Variants in HNRNPC observed in about 807,000 individuals in gnomAD.
HNRNPC encodes heterogeneous nuclear ribonucleoproteins C1/C2.
HNRNPC carries 3 observed loss-of-function variants against 33.2 expected under a neutral mutation model. The ratio of observed to expected loss-of-function variants is 0.09; its 90% CI spans 0.04 to 0.23. The LOEUF (loss-of-function observed/expected upper bound fraction) is 0.23, where lower values mean the gene tolerates loss of function less well. HNRNPC is among the 10% of genes least tolerant of loss of function. HNRNPC has a pLI of 1.00. For missense variants in HNRNPC, 143 were observed against 366.7 expected, an observed-to-expected ratio of 0.39 and a Z score of 4.98; for synonymous variants, 121 against 126.7, an observed-to-expected ratio of 0.96 and a Z score of 0.30.
At chr14:21,245,145 C>T (rs1895827720) in intron 2 of HNRNPC, among the ~76,000 whole-genome samples, 1 of 143,002 alleles carries the variant, frequency 7.0e-6, no homozygotes, top group Admixed American at 7.0e-5. Flanking sequence ...AGTTCTAACA[C>T]AATATTATTT....
chr14:21,266,811 C>T (rs528556126), intron 1 of HNRNPC, among the ~76,000 whole-genome samples: 4 of 151,924 alleles, frequency 2.6e-5, no homozygotes, highest in East Asian at 3.9e-4. Context: ...AAAACCGGGG[C>T]CGGGTGCGGT....
chr14:21,227,754 AG>A (rs1439711818), intron 5 of HNRNPC, among the ~76,000 whole-genome samples: 5 of 152,342 alleles, frequency 3.3e-5, no homozygotes, highest in African/African-American at 4.8e-5. Context: ...TGCCTTGCCA[AG>A]AAAAGACTTT....
intron 5 of HNRNPC, among the ~76,000 whole-genome samples, chr14:21,226,327 G>GAAAAAAAAAAAAAAAAAAAAA (rs374686866): frequency 9.0e-6 from 1 of 110,612 alleles, no homozygotes. Context: ...GTTTCCAAAA[G>GAAAAAAAAAAAAAAAAAAAAA]AAAAAAAAAA....
rs1442741570 is a variant in HNRNPC, at chr14:21,210,029, CTA to C, written c.*1192_*1193del. 1 of 152,130 alleles carries C rather than the reference CTA, an allele frequency of 6.6e-6. No individual in the cohort carries two copies. Among genetic ancestry groups the C allele is most frequent in the Non-Finnish European group, 1.5e-5 (1 of 68,018 alleles). 9.4% of individuals were successfully genotyped at this position (152,130 alleles called of 1,614,324 possible). ...GTTCTCAATCACCTGGGAAGGCAGT[CTA>C]TGGAATATCAGGAAGTAAGAGTTTT... On this transcript the variant is annotated 3_prime_UTR_variant, in exon 9 of 9. Transcript: ENST00000553300.
intron 1 of HNRNPC, among the ~76,000 whole-genome samples, chr14:21,265,743 A>C (rs1352612595): frequency 2.6e-5 from 4 of 152,152 alleles, no homozygotes; most frequent in African/African-American, 9.7e-5. Context: ...ACACTACTGC[A>C]CTCTAATCTG....
intron 4 of HNRNPC, chr14:21,230,661 TTCTACCC>T: frequency 2.0e-6 from 1 of 499,646 alleles, no homozygotes; most frequent in African/African-American, 1.9e-5. Flanking sequence ...TATACCACAC[TTCTACCC>T]TCTCTTACTC....
In HNRNPC at chr14:21,230,366, G is replaced by A. The variant is rs780221101; in HGVS notation, c.318C>T (p.Gly106=). The A allele has an allele frequency of 1.9e-6, 3 of 1,607,018 alleles. No homozygotes were observed. Among genetic ancestry groups the A allele is most frequent in the East Asian group, 2.2e-5 (1 of 44,754 alleles). The change falls in exon 5 of 9, where the codon GGC becomes GGT. Residue 106 remains glycine (G), a splice_region_variant and synonymous_variant. Coordinates refer to ENST00000553300, the MANE Select transcript of HNRNPC (RefSeq NM_004500.4). ...AGTCATAGTCCAAGTCAAAAGAGGA[G>A]CTGAAAAATAAATACCGAAAAGGGT... is the stretch of plus-strand genomic sequence containing the variant. ...GVKRSAAEMY[G]SSFDLDYDFQ...
chr14:21,212,141 G>C (rs1031052471), intron 6 of HNRNPC: 1 of 478,396 alleles, frequency 2.1e-6, no homozygotes, highest in Admixed American at 3.4e-5. Flanking sequence ...CAGGGCTGTC[G>C]CTATGTTGAC....
In HNRNPC at chr14:21,250,006, G is replaced by C. The variant is rs75649063; in HGVS notation, c.-37+13305C>G. On this transcript the variant is annotated intron_variant, in intron 2 of 8. Transcript: ENST00000553300. ...ATGCAAAAATAATAAAACACAGGAA[G>C]GTCTTATTTCTAATATAACTGATAA... 6.6e-5 allele frequency among the ~76,000 whole-genome samples: 10 copies of C among 152,066 alleles called. No homozygotes were observed. The East Asian group carries it at 1.9e-3, about 29-fold the overall frequency.
At chr14:21,226,864 A>G (rs1382672823) in intron 5 of HNRNPC, among the ~76,000 whole-genome samples, 3 of 129,226 alleles carry the variant, frequency 2.3e-5, no homozygotes, top group South Asian at 6.1e-4. Flanking sequence ...TGAGTGCCAG[A>G]AAAGACTCCA....
intron 7 of HNRNPC, 26 bp downstream of exon 7, chr14:21,211,784 C>T: frequency 6.3e-7 from 1 of 1,589,844 alleles, no homozygotes. Context: ...AACTGTATAC[C>T]AAGGGCAAGC....
In HNRNPC at chr14:21,236,794, CA is replaced by C. The variant is rs369953602; in HGVS notation, c.-36-2566del. On this transcript the variant is annotated intron_variant, in intron 2 of 8. Transcript: ENST00000553300. ...AAGAACTGGGATTCTTGGAAGGGGT[CA>C]GCAAGAGCAGAGTAGTTTTTGAATC... 1.7e-3 allele frequency among the ~76,000 whole-genome samples: 264 copies of C among 152,246 alleles called. 2 individuals are homozygous for C. Among genetic ancestry groups the C allele is most frequent in the African/African-American group, 5.8e-3 (241 of 41,546 alleles).
chr14:21,216,101 CTT>C (rs1197587561), intron 5 of HNRNPC, among the ~76,000 whole-genome samples: 1 of 117,284 alleles, frequency 8.5e-6, no homozygotes, highest in Non-Finnish European at 1.7e-5. Flanking sequence ...AGAGTAAAAA[CTT>C]TTGTCTCCTC....
intron 3 of HNRNPC, among the ~76,000 whole-genome samples, chr14:21,232,005 T>G (rs538356687): frequency 6.6e-6 from 1 of 152,350 alleles, no homozygotes; most frequent in Admixed American, 6.5e-5. Flanking sequence ...ACGTAAAATA[T>G]CCTGGGTTAA....
intron 1 of HNRNPC, chr14:21,265,509 A>G (rs1027339978): frequency 6.6e-6 from 1 of 152,196 alleles, no homozygotes; most frequent in Admixed American, 6.5e-5. Flanking sequence ...ACCATTTTCA[A>G]TCAAGAATAT....
chr14:21,214,823 GCACAAA>G (rs1420846957), intron 5 of HNRNPC, among the ~76,000 whole-genome samples: 1 of 152,180 alleles, frequency 6.6e-6, no homozygotes, highest in African/African-American at 2.4e-5. Flanking sequence ...GGTAACACTT[GCACAAA>G]CACAAATTGC....
rs547712083 is a variant in HNRNPC at position 21,247,270 on chromosome 14, T to A, written c.-36-13041A>T. On this transcript the variant is annotated intron_variant, in intron 2 of 8. Coordinates refer to ENST00000553300, the MANE Select transcript of HNRNPC (RefSeq NM_004500.4). ...TAGTTCATAATCACTAAAGATCACATATAGCTCCAGCGTTAAGAAAATTTC... is the reference window on the plus strand; with the variant it reads ...TAGTTCATAATCACTAAAGATCACAAATAGCTCCAGCGTTAAGAAAATTTC... 1.3e-3 allele frequency among the ~76,000 whole-genome samples: 194 copies of A among 152,308 alleles called. 3 individuals carry two copies. The South Asian group carries it at 0.038, about 30-fold the overall frequency.
At chr14:21,257,918 G>T (rs537523086) in intron 2 of HNRNPC, among the ~76,000 whole-genome samples, 1 of 152,026 alleles carries the variant, frequency 6.6e-6, no homozygotes, top group Non-Finnish European at 1.5e-5. Flanking sequence ...CACAACCATG[G>T]TAACATTTTA....
rs763914963 is a variant in HNRNPC, at chr14:21,226,899, G to GAAAA, written c.365+3419_365+3420insTTTT. ...ATCTCAAAAAAAAAAAAAAAAAGGG[G>GAAAA]GGGGGGGGACAGTGATTTTTACTCC... On this transcript the variant is annotated intron_variant, in intron 5 of 8. Coordinates refer to ENST00000553300, the MANE Select transcript of HNRNPC (RefSeq NM_004500.4). 4.2e-3 allele frequency among the ~76,000 whole-genome samples: 451 copies of GAAAA among 106,320 alleles called. 8 individuals carry two copies. The highest frequency in any genetic ancestry group is 0.013 in the African/African-American group (326 of 25,640). The allele number at this position is 106,320 out of a possible 152,430, so 69.8% of individuals were successfully genotyped here.
Sources: allele counts gnomAD v4.1 joint callset (sites outside exome capture counted in the v4.1 genomes callset), GRCh38; gene constraint gnomAD v4.1.1; transcripts MANE v1.5; gene names NCBI Gene and HGNC (gene_info 2026-07-23, HGNC 2026-07-21).